Variants in NDUFB5 observed in about 807,000 individuals in gnomAD.
NDUFB5 encodes the protein NADH:ubiquinone oxidoreductase subunit B5, also known as NADH dehydrogenase [ubiquinone] 1 beta subcomplex subunit 5, mitochondrial.
NDUFB5 carries 19 observed loss-of-function variants against 19.4 expected under a neutral mutation model. That is an observed-to-expected ratio of 0.98 (90% CI 0.68 to 1.43). The LOEUF is 1.43. Ranked by LOEUF, NDUFB5 falls within the 40% of genes most tolerant of loss-of-function variation. The pLI is 0.00. For missense variants in NDUFB5, 233 were observed against 236.5 expected (o/e 0.99, Z 0.10); for synonymous variants, 80 against 82.6 (o/e 0.97, Z 0.17).
intron 1 of NDUFB5, among the ~76,000 whole-genome samples, chr3:179,605,894 C>A: frequency 6.6e-6 from 1 of 151,916 alleles, no homozygotes. Context: ...CGGGTTCAAG[C>A]GATTCTCCCG....
Position 179,625,005 on chromosome 3 carries a change from G to T in NDUFB5, c.*965G>T, listed in dbSNP as rs959594618. On this transcript the variant is annotated 3_prime_UTR_variant, in exon 6 of 6. Coordinates refer to ENST00000259037, the MANE Select transcript of NDUFB5 (RefSeq NM_002492.4). The stretch of plus-strand genomic sequence containing the variant: ...CTGTTTCGCTGTGTTGGCCAGGCTG[G>T]TCTTGAACTTCTGACCTCAGGTGAT... 1 of 151,854 alleles carries T rather than the reference G, an allele frequency of 6.6e-6. No homozygotes were observed. Among genetic ancestry groups the T allele is most frequent in the Admixed American group, 6.6e-5 (1 of 15,218 alleles). The allele number at this position is 151,854 out of a possible 1,614,324, so 9.4% of individuals were successfully genotyped here.
chr3:179,615,511 A>G (rs1719353705), intron 2 of NDUFB5: 1 of 443,452 alleles, frequency 2.3e-6, no homozygotes, highest in Non-Finnish European at 4.6e-6. Context: ...GCAATAATAT[A>G]ATTACATTGC....
intron 1 of NDUFB5, among the ~76,000 whole-genome samples, chr3:179,613,236 C>A (rs1334465073): frequency 1.3e-5 from 2 of 151,926 alleles, no homozygotes; most frequent in Non-Finnish European, 2.9e-5. Context: ...TGCCAGGTTA[C>A]TGCAGTAATT....
intron 1 of NDUFB5, among the ~76,000 whole-genome samples, chr3:179,607,348 T>C (rs976016504): frequency 8.5e-5 from 13 of 152,180 alleles, no homozygotes; most frequent in African/African-American, 3.1e-4. Flanking sequence ...CTTGTTTTGT[T>C]TTTTCTGGAG....
At chr3:179,612,593 C>T (rs1425278151) in intron 1 of NDUFB5, among the ~76,000 whole-genome samples, 1 of 150,750 alleles carries the variant, frequency 6.6e-6, no homozygotes, top group Non-Finnish European at 1.5e-5. Context: ...CATTCTCCTG[C>T]GGCCTCCCGA....
In NDUFB5 at chr3:179,624,100, T is replaced by A; in HGVS notation, c.*60T>A. ...TTATTGGAAAATAAATTAATAAATA[T>A]ATTCTGTATTTTTGCTCTCCGTGAA... On this transcript the variant is annotated 3_prime_UTR_variant, in exon 6 of 6. Coordinates refer to ENST00000259037, the MANE Select transcript of NDUFB5 (RefSeq NM_002492.4). The A allele has an allele frequency of 1.4e-6, 2 of 1,452,844 alleles. No individual in the cohort carries two copies. The highest frequency in any genetic ancestry group is 1.9e-6 in the Non-Finnish European group (2 of 1,072,906). The allele number at this position is 1,452,844 out of a possible 1,614,324, so 90.0% of individuals were successfully genotyped here.
rs548896361 is a variant in NDUFB5 at position 179,607,741 on chromosome 3, A to C, written c.124+2802A>C. On this transcript the variant is annotated intron_variant, in intron 1 of 5. Transcript: ENST00000259037. ...TGTATCCGTTAAACAATAACTCTCCATTCCCCTTCCACGTAGCCCCTGGTA... is the reference window on the plus strand; with the variant it reads ...TGTATCCGTTAAACAATAACTCTCCCTTCCCCTTCCACGTAGCCCCTGGTA... 4.6e-5 allele frequency: 32 copies of C among 702,598 alleles called. 1 individual carries two copies. The highest frequency in any genetic ancestry group is 2.4e-4 in the African/African-American group (14 of 57,332). The allele number at this position is 702,598 out of a possible 1,614,324, so 43.5% of individuals were successfully genotyped here. A position where few individuals can be genotyped will look rare whatever the true frequency, so the allele number is the denominator to read the frequency against.
chr3:179,616,094 T>A lies in NDUFB5; in HGVS notation c.280+45T>A, dbSNP rs182596565. The A allele has an allele frequency of 5.0e-6, 7 of 1,408,660 alleles. No homozygotes were observed. In the Admixed American group the frequency reaches 1.1e-4, roughly 23 times the overall value. 87.3% of individuals were successfully genotyped at this position (1,408,660 alleles called of 1,614,324 possible). ...TGCCAGCACCACCAGATTGGAAAAA[T>A]TTTTAAACATATGTACATTAATATA... On this transcript the variant is annotated intron_variant, in intron 3 of 5. Coordinates refer to ENST00000259037, the MANE Select transcript of NDUFB5 (RefSeq NM_002492.4).
rs1421399910 is a variant in NDUFB5 at position 179,626,488 on chromosome 3, TG to T, written c.*2450del. 6.6e-6 allele frequency: 1 copy of T among 152,166 alleles called. No homozygotes were observed. The highest frequency in any genetic ancestry group is 2.4e-5 in the African/African-American group (1 of 41,428). 9.4% of individuals were successfully genotyped at this position (152,166 alleles called of 1,614,324 possible). ...CTGTGCTCAAGTGATCCGCTCACCT[TG>T]GCCTCTCAAAGTGCAGGTACTTTAG... On this transcript the variant is annotated 3_prime_UTR_variant, in exon 6 of 6. Transcript: ENST00000259037.
chr3:179,618,013 C>T (rs1046526093), intron 4 of NDUFB5, among the ~76,000 whole-genome samples: 2 of 152,196 alleles, frequency 1.3e-5, no homozygotes, highest in African/African-American at 2.4e-5. Flanking sequence ...ACCATTAAAT[C>T]TTAAGGCAGA....
In NDUFB5 at chr3:179,607,447, T is replaced by C. The variant is rs1306820327; in HGVS notation, c.124+2508T>C. On this transcript the variant is annotated intron_variant, in intron 1 of 5. Coordinates refer to ENST00000259037, the MANE Select transcript of NDUFB5 (RefSeq NM_002492.4). ...CTTGGAAGCTAAAGTGGAAGACACC[T>C]AATTGCTCATAACCTGCATTTCCTC... Among the ~76,000 whole-genome samples the C allele has an allele frequency of 4.6e-5, 7 of 152,362 alleles. No homozygotes were observed. In the East Asian group the frequency reaches 1.3e-3, roughly 29 times the overall value.
At chr3:179,605,265 A>G (rs1719053427) in intron 1 of NDUFB5, among the ~76,000 whole-genome samples, 2 of 152,202 alleles carry the variant, frequency 1.3e-5, no homozygotes, top group South Asian at 4.1e-4. Flanking sequence ...CCACCTGCCC[A>G]AAGGCTAGGT....
intron 1 of NDUFB5, among the ~76,000 whole-genome samples, chr3:179,613,653 T>C (rs554116182): frequency 2.8e-4 from 42 of 152,244 alleles, no homozygotes; most frequent in Non-Finnish European, 5.0e-4. Flanking sequence ...CTTAATCTTG[T>C]TATTTAAAAA....
Position 179,616,065 on chromosome 3 carries a change from C to T in NDUFB5, c.280+16C>T, listed in dbSNP as rs752410222. 1.7e-5 allele frequency: 27 copies of T among 1,604,792 alleles called. No individual in the cohort carries two copies. The highest frequency in any genetic ancestry group is 2.3e-5 in the Non-Finnish European group (27 of 1,174,628). ...GTATTCATTGGTAAGTCACTTCCAT[C>T]CCCTGCCAGCACCACCAGATTGGAA... On this transcript the variant is annotated intron_variant, in intron 3 of 5. Coordinates refer to ENST00000259037, the MANE Select transcript of NDUFB5 (RefSeq NM_002492.4).
rs1403145560 is a variant in NDUFB5 at position 179,626,645 on chromosome 3, C to A, written c.*2605C>A. The A allele has an allele frequency of 1.3e-5, 2 of 152,326 alleles. No homozygotes were observed. The highest frequency in any genetic ancestry group is 6.5e-5 in the Admixed American group (1 of 15,270). The allele number at this position is 152,326 out of a possible 1,614,324, so 9.4% of individuals were successfully genotyped here. The stretch of plus-strand genomic sequence containing the variant: ...TCCCAGGTTCAAGCAATTCTCCTGC[C>A]TCAGCCTCCTGAGTAGCTGGGATTA... On this transcript the variant is annotated 3_prime_UTR_variant, in exon 6 of 6. Transcript: ENST00000259037.
intron 1 of NDUFB5, among the ~76,000 whole-genome samples, chr3:179,612,580 C>T (rs1006956502): frequency 6.7e-6 from 1 of 148,910 alleles, no homozygotes; most frequent in African/African-American, 2.5e-5. Context: ...GGTTTACTTA[C>T]GCCATTCTCC....
intron 1 of NDUFB5, among the ~76,000 whole-genome samples, chr3:179,606,361 C>T (rs752479227): frequency 6.6e-6 from 1 of 151,838 alleles, no homozygotes; most frequent in Non-Finnish European, 1.5e-5. Context: ...TTTTTCAAGA[C>T]GGAGTCTTGC....
intron 1 of NDUFB5, chr3:179,614,720 T>G: frequency 4.6e-6 from 1 of 219,392 alleles, no homozygotes; most frequent in Non-Finnish European, 8.9e-6. Context: ...ATAAGACATT[T>G]TAAAATCTTA....
chr3:179,614,162 T>C (rs1719317861), intron 1 of NDUFB5, among the ~76,000 whole-genome samples: 1 of 152,190 alleles, frequency 6.6e-6, no homozygotes, highest in Admixed American at 6.5e-5. Context: ...TGGAAAGGGC[T>C]TGGAATGCCT....
Sources: gnomAD v4.1 joint callset for allele counts (sites outside exome capture counted in the v4.1 genomes callset) on GRCh38, gnomAD v4.1.1 for gene constraint, MANE v1.5 for transcripts, NCBI Gene and HGNC (gene_info 2026-07-23, HGNC 2026-07-21) for gene names.